Variants in ERMARD observed in about 807,000 individuals in gnomAD.
The protein encoded by ERMARD is ER membrane associated RNA degradation.
In ERMARD, 71 loss-of-function variants were observed where a neutral mutation model predicts 83.9. That is an observed-to-expected ratio of 0.85 (90% confidence interval 0.70 to 1.03). ERMARD has a LOEUF of 1.03. Among genes scored for constraint, ERMARD ranks in the 50% least tolerant of loss-of-function variants. The pLI is 0.00. For synonymous variants in ERMARD, 284 were observed against 298.6 expected, an observed-to-expected ratio of 0.95 and a Z score of 0.50; for missense variants, 838 against 810.9, an observed-to-expected ratio of 1.03 and a Z score of -0.41.
At chr6:169,766,903 G>A (rs1792283454) in intron 10 of ERMARD, 1 of 425,860 alleles carries the variant, frequency 2.3e-6, no homozygotes, top group African/African-American at 2.1e-5. Flanking sequence ...AAATACCAAG[G>A]GATCTAACAT....
At position 169,773,365 on chromosome 6, in the gene ERMARD, GT is replaced by G; in HGVS notation, c.1282del (p.Ser428LeufsTer14). Reference protein sequence around the residue: ...ELLISLAEGYSSRCHPVFQLK... With the variant: ...ELLISLAEGYXSRCHPVFQLK... ...TTGATTAGTCTTGCAGAAGGCTATAGTTCTCGCTGTCATCCGGTTTTTCAGC... is the reference window on the plus strand; with the variant it reads ...TTGATTAGTCTTGCAGAAGGCTATAGTCTCGCTGTCATCCGGTTTTTCAGC... On this transcript the variant is annotated frameshift_variant, in exon 13 of 18. Coordinates refer to ENST00000366773, the MANE Select transcript of ERMARD (RefSeq NM_018341.3). LOFTEE classifies it high-confidence loss of function. 6.2e-7 allele frequency: 1 copy of G among 1,614,178 alleles called. No homozygotes were observed.
Position 169,779,053 on chromosome 6 carries a change from G to A in ERMARD, c.1740-129G>A, listed in dbSNP as rs1283133247. ...GCTGGAAGCAGGCATTGGGCTCTAA[G>A]GATTAGGAAAATTATTTTTTGAGAA... On this transcript the variant is annotated intron_variant, in intron 16 of 17. Transcript: ENST00000366773. 12 of 858,584 alleles carry A rather than the reference G, an allele frequency of 1.4e-5. No homozygotes were observed. In the East Asian group the frequency reaches 2.4e-4, roughly 17 times the overall value. 53.2% of individuals were successfully genotyped at this position (858,584 alleles called of 1,614,324 possible). A position where few individuals can be genotyped will look rare whatever the true frequency, so the allele number is the denominator to read the frequency against.
chr6:169,751,463 C>T, upstream of ERMARD: 1 of 1,613,596 alleles, frequency 6.2e-7, no homozygotes, highest in Non-Finnish European at 8.5e-7. Flanking sequence ...CTCCATCTCG[C>T]TCTGTTCTCC....
rs745667163 is a variant in ERMARD, at chr6:169,766,683, TGTAAG to T, written c.990+21_990+25del. 32 of 1,565,356 alleles carry T rather than the reference TGTAAG, an allele frequency of 2.0e-5. No individual in the cohort carries two copies. The highest frequency in any genetic ancestry group is 1.6e-4 in the East Asian group (7 of 43,606). ...CTTTGATCAAGTAAGTAAGTAAACT[TGTAAG>T]GTAACTTGAAACAAACAGAACGCTG... On this transcript the variant is annotated intron_variant, in intron 10 of 17. Transcript: ENST00000366773.
intron 12 of ERMARD, 88 bp downstream of exon 12, chr6:169,769,801 A>G: frequency 8.1e-7 from 1 of 1,234,650 alleles, no homozygotes; most frequent in Non-Finnish European, 1.1e-6. Context: ...TTAACTGTTA[A>G]TCATCTTTTA....
In ERMARD at chr6:169,755,008, A is replaced by G. The variant is rs561397732; in HGVS notation, c.176-275A>G. Among the ~76,000 whole-genome samples the G allele has an allele frequency of 2.6e-5, 4 of 152,200 alleles. No homozygotes were observed. In the Middle Eastern group the frequency reaches 0.01, roughly 388 times the overall value. On this transcript the variant is annotated intron_variant, in intron 2 of 17. Transcript: ENST00000366773. ...AGCCTGGTTTTCTGTATTCTTATGT[A>G]CAGGTAAAGACATTGACAAAATAGT... is the stretch of plus-strand genomic sequence containing the variant.
At chr6:169,760,023 GCAAAGT>G in intron 7 of ERMARD, 49 bp downstream of exon 7, 1 of 1,610,588 alleles carries the variant, frequency 6.2e-7, no homozygotes. Context: ...GTAGATATTT[GCAAAGT>G]CAGTAAACAG....
intron 14 of ERMARD, 123 bp from the exon 15 acceptor site, chr6:169,775,817 A>T (rs1562348654): frequency 1.6e-6 from 2 of 1,258,944 alleles, no homozygotes; most frequent in Admixed American, 2.7e-5. Context: ...TCCATTTTAT[A>T]TTTGAGGAAA....
In ERMARD at chr6:169,755,409, C is replaced by G; in HGVS notation, c.302C>G (p.Thr101Arg). Reference sequence around the variant, plus strand: ...CGATATGCACCGTGGTTCCAGTGGACAAGTTTTCCAGAGGTTTGGCTTTTG... The same window carrying G: ...CGATATGCACCGTGGTTCCAGTGGAGAAGTTTTCCAGAGGTTTGGCTTTTG... ...EIRYAPWFQW[T>R]SFPELFPEIF... Residue 101 changes from threonine to arginine, a missense_variant, in exon 3 of 18, where the codon ACA (threonine) becomes AGA (arginine). Thr to Arg is a moderately conservative substitution (Grantham distance 71, BLOSUM62 -1). Transcript: ENST00000366773. 1 of 1,614,040 alleles carries G rather than the reference C, an allele frequency of 6.2e-7. No homozygotes were observed. The highest frequency in any genetic ancestry group is 8.5e-7 in the Non-Finnish European group (1 of 1,179,998).
In ERMARD at chr6:169,751,675, G is replaced by A. The variant is rs199659560; in HGVS notation, c.6+12G>A. On this transcript the variant is annotated intron_variant, in intron 1 of 17. Coordinates refer to ENST00000366773, the MANE Select transcript of ERMARD (RefSeq NM_018341.3). ...CGGAAGTTATGGAGGTAGGGCGGGT[G>A]TAGGGCCCGGTTCGATCCCGAGCTA... The A allele has an allele frequency of 3.3e-5, 52 of 1,552,774 alleles. No homozygotes were observed. In the East Asian group the frequency reaches 1.0e-3, roughly 31 times the overall value.
chr6:169,769,132 C>T (rs1792579204), intron 11 of ERMARD, among the ~76,000 whole-genome samples: 1 of 152,170 alleles, frequency 6.6e-6, no homozygotes, highest in Non-Finnish European at 1.5e-5. Flanking sequence ...GTGGGAGAGG[C>T]CTTGGATTTG....
intron 11 of ERMARD, 36 bp downstream of exon 11, chr6:169,768,207 T>C: frequency 6.4e-7 from 1 of 1,564,142 alleles, no homozygotes. Context: ...AATATTCTTG[T>C]ATTTATGGAT....
chr6:169,775,067 T>G (rs1793420944), intron 13 of ERMARD, among the ~76,000 whole-genome samples: 1 of 152,192 alleles, frequency 6.6e-6, no homozygotes, highest in African/African-American at 2.4e-5. Flanking sequence ...AGACGTTCAC[T>G]CCCTTCCAAT....
intron 9 of ERMARD, among the ~76,000 whole-genome samples, chr6:169,766,005 G>C (rs1792157664): frequency 6.8e-6 from 1 of 147,346 alleles, no homozygotes; most frequent in Admixed American, 6.7e-5. Context: ...CATGCTGTCT[G>C]TCAAATCTCA....
chr6:169,775,975 CTTTGATTACAAAAATGA>C lies in ERMARD; in HGVS notation c.1431_1447del (p.Leu478GlyfsTer2). On this transcript the variant is annotated frameshift_variant, in exon 15 of 18. Transcript: ENST00000366773. LOFTEE classifies it high-confidence loss of function. ...AATTCTGAAACAAATGCCTGCCACT[CTTTGATTACAAAAATGA>C]CGGATGAGCTGTATCACCATATGCC... is the stretch of plus-strand genomic sequence containing the variant. The C allele has an allele frequency of 2.5e-6, 4 of 1,614,184 alleles. No homozygotes were observed. Among genetic ancestry groups the C allele is most frequent in the Non-Finnish European group, 3.4e-6 (4 of 1,180,042 alleles).
chr6:169,779,785 G>A (rs1209625596), intron 17 of ERMARD, among the ~76,000 whole-genome samples: 3 of 152,188 alleles, frequency 2.0e-5, no homozygotes, highest in African/African-American at 4.8e-5. Context: ...AACCCAATTC[G>A]TGTATGTAAC....
intron 14 of ERMARD, 143 bp from the exon 15 acceptor site, chr6:169,775,796 TG>T: frequency 1.9e-6 from 2 of 1,077,580 alleles, no homozygotes; most frequent in Non-Finnish European, 2.6e-6. Flanking sequence ...TGTATTGTCA[TG>T]GTGGCTTTTT....
chr6:169,772,990 A>G lies in ERMARD; in HGVS notation c.1234-329A>G, dbSNP rs529447819. 52 of 250,712 alleles carry G rather than the reference A, an allele frequency of 2.1e-4. No individual in the cohort carries two copies. In the East Asian group the frequency reaches 4.0e-3, roughly 19 times the overall value. 15.5% of individuals were successfully genotyped at this position (250,712 alleles called of 1,614,324 possible). ...TGCGATCCTTTTTTTAGTTGTATTCATTTTTAGTGTTTAAGTAACTATTTC... is the reference window on the plus strand; with the variant it reads ...TGCGATCCTTTTTTTAGTTGTATTCGTTTTTAGTGTTTAAGTAACTATTTC... On this transcript the variant is annotated intron_variant, in intron 12 of 17. Coordinates refer to ENST00000366773, the MANE Select transcript of ERMARD (RefSeq NM_018341.3).
intron 9 of ERMARD, among the ~76,000 whole-genome samples, chr6:169,764,614 G>GT (rs200307943): frequency 6.8e-4 from 104 of 151,892 alleles, no homozygotes; most frequent in African/African-American, 2.3e-3. Context: ...GTTATTTATG[G>GT]TTTTTTTTCA....
Sources: gnomAD v4.1 joint callset for allele counts (sites outside exome capture counted in the v4.1 genomes callset) on GRCh38, gnomAD v4.1.1 for gene constraint, MANE v1.5 for transcripts, NCBI Gene and HGNC (gene_info 2026-07-23, HGNC 2026-07-21) for gene names.